The following SEC24A variants were observed in gnomAD, a reference collection of about 807,000 sequenced individuals.
The protein encoded by SEC24A is protein transport protein Sec24A.
Under a neutral mutation model 129.4 loss-of-function variants are expected in SEC24A, and 93 were observed. That is an observed-to-expected ratio of 0.72 (90% CI 0.61 to 0.85). The LOEUF (loss-of-function observed/expected upper bound fraction) is 0.85. Among genes scored for constraint, SEC24A ranks in the 40% least tolerant of loss-of-function variants. The pLI is 0.00. For missense variants in SEC24A, 1,264 were observed against 1,307.4 expected, an observed-to-expected ratio of 0.97 and a Z score of 0.51; for synonymous variants, 460 against 467.3, an observed-to-expected ratio of 0.98 and a Z score of 0.20.
At chr5:134,670,457 T>C (rs942408796) in intron 3 of SEC24A, among the ~76,000 whole-genome samples, 1 of 152,228 alleles carries the variant, frequency 6.6e-6, no homozygotes, top group East Asian at 1.9e-4. Flanking sequence ...ATTCACTGAA[T>C]TAAGTGTCTT....
At chr5:134,657,070 CAGCTACTCAAGAG>C (rs1750273906) in intron 1 of SEC24A, among the ~76,000 whole-genome samples, 1 of 151,672 alleles carries the variant, frequency 6.6e-6, no homozygotes, top group African/African-American at 2.4e-5. Context: ...CCTGTAGGCC[CAGCTACTCAAGAG>C]GGGAGGTGGG....
rs142604117 is a variant in SEC24A at position 134,681,208 on chromosome 5, G to A, written c.1382-1165G>A. Among the ~76,000 whole-genome samples the A allele has an allele frequency of 4.6e-3, 697 of 150,178 alleles. 7 individuals are homozygous for A. Among genetic ancestry groups the A allele is most frequent in the Non-Finnish European group, 7.1e-3 (480 of 67,644 alleles). The stretch of plus-strand genomic sequence containing the variant: ...AGGTCAGGAGTTTGAGACCAGCCTG[G>A]CCAATGTAGTGAAACCCCATCTTTA... On this transcript the variant is annotated intron_variant, in intron 8 of 22. Transcript: ENST00000398844.
At chr5:134,683,282 G>A (rs1439933805) in intron 9 of SEC24A, among the ~76,000 whole-genome samples, 3 of 152,100 alleles carry the variant, frequency 2.0e-5, no homozygotes, top group African/African-American at 7.2e-5. Context: ...GCCTCCCAGA[G>A]TGCTGGGATT....
chr5:134,704,704 G>C (rs1752099886), intron 16 of SEC24A, among the ~76,000 whole-genome samples: 1 of 151,676 alleles, frequency 6.6e-6, no homozygotes, highest in Non-Finnish European at 1.5e-5. Flanking sequence ...TTGGGAGGCT[G>C]AGTAGGGAGG....
rs752925254 is a variant in SEC24A at position 134,685,495 on chromosome 5, G to C, written c.1492-1295G>C. 4.6e-5 allele frequency among the ~76,000 whole-genome samples: 7 copies of C among 152,216 alleles called. No individual in the cohort carries two copies. In the East Asian group the frequency reaches 1.2e-3, roughly 25 times the overall value. On this transcript the variant is annotated intron_variant, in intron 9 of 22. Coordinates refer to ENST00000398844, the MANE Select transcript of SEC24A (RefSeq NM_021982.3). ...TAAAGTATACAAAAGGATGTGCATA[G>C]GTTATATGCAAATAATACACTATTG...
intron 11 of SEC24A, among the ~76,000 whole-genome samples, chr5:134,689,590 G>A (rs891384592): frequency 2.0e-5 from 3 of 152,008 alleles, no homozygotes; most frequent in East Asian, 1.9e-4. Context: ...GTGAAACCCC[G>A]TCTCTACTAA....
In SEC24A at chr5:134,675,242, G is replaced by C. The variant is rs544158763; in HGVS notation, c.1151+25G>C. The C allele has an allele frequency of 1.8e-5, 29 of 1,576,256 alleles. No homozygotes were observed. The African/African-American group carries it at 2.7e-4, about 15-fold the overall frequency. On this transcript the variant is annotated intron_variant, in intron 6 of 22. Transcript: ENST00000398844. Reference sequence around the variant, plus strand: ...AGTAAGGCTTCAGATGTGACATTATGCATGTCCGAAAAGTTTTCTAGCTTT... The same window carrying C: ...AGTAAGGCTTCAGATGTGACATTATCCATGTCCGAAAAGTTTTCTAGCTTT...
rs546623666 is a variant in SEC24A, at chr5:134,673,160, A to G, written c.817+1274A>G. ...AACCTCCAACTCCCTGGTTCAAGCGATTCTCCTGCCTCAGCTTCCCGAGTA... is the reference window on the plus strand; with the variant it reads ...AACCTCCAACTCCCTGGTTCAAGCGGTTCTCCTGCCTCAGCTTCCCGAGTA... On this transcript the variant is annotated intron_variant, in intron 4 of 22. Transcript: ENST00000398844. Among the ~76,000 whole-genome samples the G allele has an allele frequency of 7.8e-4, 115 of 147,614 alleles. 1 individual carries two copies. The highest frequency in any genetic ancestry group is 2.7e-3 in the African/African-American group (109 of 39,866).
chr5:134,688,290 G>C lies in SEC24A; in HGVS notation c.1714G>C (p.Asp572His), dbSNP rs1751518036. The C allele has an allele frequency of 1.3e-6, 2 of 1,534,846 alleles. No homozygotes were observed. The highest frequency in any genetic ancestry group is 1.8e-6 in the Non-Finnish European group (2 of 1,108,662). ...LSQPQMLIVSDIEDVFIPMPE... is the reference protein window; with the variant it reads ...LSQPQMLIVSHIEDVFIPMPE... ...TCAACCTCAGATGCTAATAGTTTCA[G>C]ATATTGAAGGTATAGATTTATTGAA... The change falls in exon 11 of 23, where the codon GAT becomes CAT. Residue 572 changes from aspartate (D) to histidine (H), a missense_variant. Coordinates refer to ENST00000398844, the MANE Select transcript of SEC24A (RefSeq NM_021982.3).
Position 134,683,398 on chromosome 5 carries a change from A to G in SEC24A, c.1491+916A>G, listed in dbSNP as rs566141483. 1.5e-4 allele frequency among the ~76,000 whole-genome samples: 22 copies of G among 151,608 alleles called. No homozygotes were observed. In the South Asian group the frequency reaches 3.1e-3, roughly 22 times the overall value. On this transcript the variant is annotated intron_variant, in intron 9 of 22. Transcript: ENST00000398844. ...TTTCCTTCATACAAATTTTTTTTCT[A>G]TTAGAAATAATGCTGTGATGAAGAT...
intron 11 of SEC24A, among the ~76,000 whole-genome samples, chr5:134,689,207 C>G (rs1244151705): frequency 6.6e-6 from 1 of 152,102 alleles, no homozygotes; most frequent in Admixed American, 6.5e-5. Flanking sequence ...AACATTAGAA[C>G]CCTGGTGCAC....
intron 7 of SEC24A, among the ~76,000 whole-genome samples, chr5:134,677,468 AT>A (rs370010622): frequency 0.013 from 1,768 of 131,996 alleles, 8 homozygotes; most frequent in Middle Eastern, 0.02. Flanking sequence ...GCCTGTATTG[AT>A]TTTTTTTTTT....
At chr5:134,668,166 G>A (rs954489149) in intron 3 of SEC24A, among the ~76,000 whole-genome samples, 6 of 152,144 alleles carry the variant, frequency 3.9e-5, no homozygotes, top group Non-Finnish European at 7.4e-5. Flanking sequence ...GCAGCAAGAT[G>A]TAGAAAACAG....
At chr5:134,699,696 C>CTTT (rs746836417) in intron 15 of SEC24A, among the ~76,000 whole-genome samples, 79 of 112,684 alleles carry the variant, frequency 7.0e-4, no homozygotes, top group East Asian at 1.2e-3. Context: ...TTTGTACTCT[C>CTTT]TTTTTTTTTT....
intron 11 of SEC24A, among the ~76,000 whole-genome samples, chr5:134,690,929 C>T (rs1751625513): frequency 1.3e-5 from 2 of 151,950 alleles, no homozygotes; most frequent in African/African-American, 4.8e-5. Flanking sequence ...TGGCTCACTG[C>T]AGTCTCTGCC....
At chr5:134,657,558 C>T (rs995601859) in intron 1 of SEC24A, among the ~76,000 whole-genome samples, 1 of 151,988 alleles carries the variant, frequency 6.6e-6, no homozygotes, top group Non-Finnish European at 1.5e-5. Flanking sequence ...TCTCTGCTGT[C>T]CCAATGTTAA....
rs372641225 is a variant in SEC24A at position 134,686,793 on chromosome 5, C to T, written c.1495C>T (p.Arg499Ter). 14 of 1,582,778 alleles carry T rather than the reference C, an allele frequency of 8.8e-6. No homozygotes were observed. The highest frequency in any genetic ancestry group is 5.4e-5 in the African/African-American group (4 of 73,526). ...EFMAPSEYML[R>*]PPQPPVYLFV... The stretch of plus-strand genomic sequence containing the variant: ...AACAAGATCTTTTTTTCTTCAGTTA[C>T]GACCACCTCAGCCTCCAGTGTATCT... Residue 499 changes from arginine to a stop codon, truncating the protein, a stop_gained, in exon 10 of 23, where the codon CGA becomes TGA. Coordinates refer to ENST00000398844, the MANE Select transcript of SEC24A (RefSeq NM_021982.3). LOFTEE classifies it high-confidence loss of function.
chr5:134,705,090 A>ATATATATATATATATATATATATT (rs1180461537), intron 16 of SEC24A, among the ~76,000 whole-genome samples: 1 of 123,304 alleles, frequency 8.1e-6, no homozygotes, highest in Non-Finnish European at 1.7e-5. Context: ...ATATATATAT[A>ATATATATATATATATATATATATT]TTTTTTTTTT....
chr5:134,651,251 C>T (rs947443741), intron 1 of SEC24A, among the ~76,000 whole-genome samples: 4 of 148,598 alleles, frequency 2.7e-5, no homozygotes, highest in African/African-American at 9.8e-5. Context: ...ACCACCAGGC[C>T]CCATTTTTTA....
Sources: allele counts gnomAD v4.1 joint callset (sites outside exome capture counted in the v4.1 genomes callset), GRCh38; gene constraint gnomAD v4.1.1; transcripts MANE v1.5; gene names NCBI Gene and HGNC (gene_info 2026-07-23, HGNC 2026-07-21).